Variants in ROBO1 observed in about 807,000 individuals in gnomAD.
ROBO1 encodes the protein roundabout guidance receptor 1.
A neutral mutation model predicts 195.9 loss-of-function variants in ROBO1; 149 were observed. The observed-to-expected ratio is 0.76, with a 90% CI of 0.67 to 0.87. The LOEUF (loss-of-function observed/expected upper bound fraction) is 0.87, where lower values mean the gene tolerates loss of function less well. Among genes scored for constraint, ROBO1 ranks in the 40% least tolerant of loss-of-function variants. The pLI, the probability that ROBO1 is intolerant of heterozygous loss-of-function variation, is 0.00. For synonymous variants in ROBO1, 816 were observed against 733.2 expected (o/e 1.11, Z -1.82); for missense variants, 1,933 against 2,068.3 (o/e 0.93, Z 1.27).
intron 2 of ROBO1, among the ~76,000 whole-genome samples, chr3:79,259,792 T>C (rs1418348872): frequency 1.3e-5 from 2 of 152,198 alleles, no homozygotes; most frequent in African/African-American, 4.8e-5. Context: ...CCACTGTGTG[T>C]ACTGACCTTC....
chr3:78,645,352 G>T (rs1300914705), intron 21 of ROBO1, among the ~76,000 whole-genome samples: 1 of 151,118 alleles, frequency 6.6e-6, no homozygotes, highest in East Asian at 1.9e-4. Context: ...GCTGTACAAA[G>T]AAGGGAATTT....
rs530705774 is a variant in ROBO1, at chr3:78,657,463, A to G, written c.2443-194T>C. ...TCTGGTCAAGTTTAACGTTAAAAGTAGTTTCAAGGCATCTTTATTACTTTC... is the reference window on the plus strand; with the variant it reads ...TCTGGTCAAGTTTAACGTTAAAAGTGGTTTCAAGGCATCTTTATTACTTTC... On this transcript the variant is annotated intron_variant, in intron 17 of 30. Coordinates refer to ENST00000464233, the MANE Select transcript of ROBO1 (RefSeq NM_002941.4). Among the ~76,000 whole-genome samples the G allele has an allele frequency of 2.0e-5, 3 of 152,352 alleles. No homozygotes were observed. In the South Asian group the frequency reaches 6.2e-4, roughly 32 times the overall value.
At chr3:79,290,755 C>A (rs766236090) in intron 2 of ROBO1, among the ~76,000 whole-genome samples, 1 of 152,110 alleles carries the variant, frequency 6.6e-6, no homozygotes. Context: ...GGTCCACATT[C>A]TTTTTGTTCC....
intron 1 of ROBO1, among the ~76,000 whole-genome samples, chr3:79,726,337 C>T (rs376567462): frequency 1.8e-4 from 27 of 152,204 alleles, no homozygotes; most frequent in African/African-American, 6.0e-4. Flanking sequence ...AAACCTGTAA[C>T]AGCAGAACCT....
chr3:78,713,049 C>A (rs74492898), intron 8 of ROBO1, among the ~76,000 whole-genome samples: 19 of 152,200 alleles, frequency 1.2e-4, no homozygotes, highest in African/African-American at 3.6e-4. Flanking sequence ...GATTTGACAC[C>A]TCTTATATTT....
chr3:79,330,751 C>T (rs114705445), intron 2 of ROBO1, among the ~76,000 whole-genome samples: 2,776 of 146,274 alleles, frequency 0.019, 98 homozygotes, highest in African/African-American at 0.066. Flanking sequence ...AATATAATGA[C>T]AGTCATTGGA....
chr3:79,420,207 T>C (rs2038170766), intron 2 of ROBO1, among the ~76,000 whole-genome samples: 1 of 152,160 alleles, frequency 6.6e-6, no homozygotes. Flanking sequence ...CCTAATTTTA[T>C]CATTGACAGG....
chr3:79,145,095 GTTGGT>G (rs1274644226), intron 2 of ROBO1, among the ~76,000 whole-genome samples: 1 of 151,812 alleles, frequency 6.6e-6, no homozygotes, highest in African/African-American at 2.4e-5. Flanking sequence ...AAATGGTCAA[GTTGGT>G]TTGGTTTGTC....
chr3:78,851,164 G>A (rs2034039063), intron 4 of ROBO1, among the ~76,000 whole-genome samples: 2 of 151,874 alleles, frequency 1.3e-5, no homozygotes, highest in African/African-American at 4.8e-5. Context: ...CTTCTTATTG[G>A]TCTATTTAAA....
chr3:79,367,395 T>G (rs2036019068), intron 2 of ROBO1, among the ~76,000 whole-genome samples: 1 of 152,194 alleles, frequency 6.6e-6, no homozygotes, highest in Non-Finnish European at 1.5e-5. Context: ...TCCCTGAAGC[T>G]TATCACCAAT....
At chr3:79,107,106 T>TC (rs2079795729) in intron 3 of ROBO1, among the ~76,000 whole-genome samples, 1 of 125,320 alleles carries the variant, frequency 8.0e-6, no homozygotes, top group African/African-American at 2.9e-5. Context: ...ACCTCTCTCT[T>TC]TCTCTCTCTC....
chr3:79,762,717 A>G (rs1193352989), intron 1 of ROBO1, among the ~76,000 whole-genome samples: 2 of 152,124 alleles, frequency 1.3e-5, no homozygotes, highest in African/African-American at 2.4e-5. Flanking sequence ...AAGACTGAAA[A>G]GAAGAATTCA....
intron 2 of ROBO1, among the ~76,000 whole-genome samples, chr3:79,530,755 C>CACACA (rs1553759578): frequency 7.8e-6 from 1 of 128,130 alleles, no homozygotes; most frequent in Non-Finnish European, 1.6e-5. Flanking sequence ...CACCTTGTAA[C>CACACA]CACACACACA....
chr3:78,989,983 C>T (rs1434380395), intron 3 of ROBO1, among the ~76,000 whole-genome samples: 1 of 151,906 alleles, frequency 6.6e-6, no homozygotes, highest in Non-Finnish European at 1.5e-5. Flanking sequence ...CGTATAAAAA[C>T]AAAATATTTG....
At position 78,912,235 on chromosome 3, in the gene ROBO1, G is replaced by A. The variant is rs2038285753; in HGVS notation, c.499+26366C>T. Among the ~76,000 whole-genome samples the A allele has an allele frequency of 2.0e-5, 3 of 151,988 alleles. No homozygotes were observed. In the South Asian group the frequency reaches 6.2e-4, roughly 31 times the overall value. On this transcript the variant is annotated intron_variant, in intron 4 of 30. Coordinates refer to ENST00000464233, the MANE Select transcript of ROBO1 (RefSeq NM_002941.4). ...TTTTCATCTGTTTATGCTGTGCCAC[G>A]AGCTGCATTTTTATACTGGACAGAA...
chr3:79,664,597 C>T (rs77712715), intron 1 of ROBO1, among the ~76,000 whole-genome samples: 3 of 152,020 alleles, frequency 2.0e-5, no homozygotes, highest in Non-Finnish European at 4.4e-5. Flanking sequence ...TTCTTCTCCA[C>T]CCTTGGCAGC....
intron 2 of ROBO1, among the ~76,000 whole-genome samples, chr3:79,313,445 T>C (rs935476782): frequency 6.6e-6 from 1 of 152,210 alleles, no homozygotes; most frequent in Non-Finnish European, 1.5e-5. Flanking sequence ...AGGGTTTTAC[T>C]GTATGAAGCC....
At chr3:79,009,695 G>C (rs894404188) in intron 3 of ROBO1, among the ~76,000 whole-genome samples, 1 of 152,118 alleles carries the variant, frequency 6.6e-6, no homozygotes, top group Non-Finnish European at 1.5e-5. Context: ...GTCTTTCTTT[G>C]TTTTCCATAA....
intron 16 of ROBO1, chr3:78,660,118 A>C: frequency 5.4e-6 from 1 of 185,826 alleles, no homozygotes. Flanking sequence ...ATGGGGTTTC[A>C]CCGCCTTGGC....
Sources: allele counts gnomAD v4.1 joint callset (sites outside exome capture counted in the v4.1 genomes callset), GRCh38; gene constraint gnomAD v4.1.1; transcripts MANE v1.5; gene names NCBI Gene and HGNC (gene_info 2026-07-23, HGNC 2026-07-21).